Variants in ARHGEF3 observed in about 807,000 individuals in gnomAD.
ARHGEF3 encodes the protein 59.8 kDA protein.
ARHGEF3 carries 28 observed loss-of-function variants against 63.2 expected under a neutral mutation model. That is an observed-to-expected ratio of 0.44 (90% CI 0.33 to 0.61). The LOEUF is 0.61. Among genes scored for constraint, ARHGEF3 ranks in the 20% least tolerant of loss-of-function variants. ARHGEF3 has a pLI of 0.03. For missense variants in ARHGEF3, 533 were observed against 659.3 expected (o/e 0.81, Z 2.10); for synonymous variants, 266 against 254.2 (o/e 1.05, Z -0.44).
intron 3 of ARHGEF3, among the ~76,000 whole-genome samples, chr3:56,915,658 G>A (rs2041968932): frequency 1.3e-5 from 2 of 152,070 alleles, no homozygotes; most frequent in East Asian, 1.9e-4. Context: ...AAAAAACGAT[G>A]TTCTTAATGA....
At chr3:56,979,587 A>G (rs1301787564) in intron 2 of ARHGEF3, among the ~76,000 whole-genome samples, 1 of 152,216 alleles carries the variant, frequency 6.6e-6, no homozygotes, top group Non-Finnish European at 1.5e-5. Context: ...CACTAGGAAT[A>G]AAGTAGGCCC....
Position 56,981,901 on chromosome 3 carries a change from G to T in ARHGEF3, c.63-23012C>A, listed in dbSNP as rs1038173961. ...ACAGCACCCAGATTTTCTGTTGGGG[G>T]ATGCCCTCTCCCCTTTGGGACACTG... On this transcript the variant is annotated intron_variant, in intron 2 of 12. Coordinates refer to the ARHGEF3 transcript ENST00000338458. 2.0e-5 allele frequency among the ~76,000 whole-genome samples: 3 copies of T among 152,288 alleles called. No homozygotes were observed. The South Asian group carries it at 6.2e-4, about 32-fold the overall frequency.
intron 3 of ARHGEF3, among the ~76,000 whole-genome samples, chr3:56,919,836 C>A (rs12485820): frequency 2.0e-5 from 3 of 152,024 alleles, no homozygotes; most frequent in Admixed American, 6.6e-5. Flanking sequence ...AGGTGGTGTA[C>A]GCCTACCCAT....
rs534434618 is a variant in ARHGEF3 at position 57,011,276 on chromosome 3, AAAC to A, written c.62+23809_62+23811del. On this transcript the variant is annotated intron_variant, in intron 2 of 12. Transcript: ENST00000338458. ...ATGATGGTGCTAAGCACATGATCTA[AAAC>A]AACGATTTCACCTTTTTTCTGCCCT... Among the ~76,000 whole-genome samples, 474 of 152,322 alleles carry A rather than the reference AAAC, an allele frequency of 3.1e-3. 2 individuals carry two copies. In the Middle Eastern group the frequency reaches 0.048, roughly 15 times the overall value.
At chr3:57,065,814 A>G (rs908349350) in intron 1 of ARHGEF3, among the ~76,000 whole-genome samples, 3 of 152,160 alleles carry the variant, frequency 2.0e-5, no homozygotes, top group Non-Finnish European at 4.4e-5. Context: ...ATGCTGCATT[A>G]GCACACACAG....
At chr3:56,771,006 G>C (rs1331988799) in intron 2 of ARHGEF3, among the ~76,000 whole-genome samples, 1 of 151,966 alleles carries the variant, frequency 6.6e-6, no homozygotes, top group African/African-American at 2.4e-5. Context: ...CCAGCTATTT[G>C]AGAGGCTGAG....
At chr3:57,057,352 C>A (rs1463040638) in intron 1 of ARHGEF3, among the ~76,000 whole-genome samples, 1 of 152,160 alleles carries the variant, frequency 6.6e-6, no homozygotes, top group Non-Finnish European at 1.5e-5. Flanking sequence ...CTCAAGTGAT[C>A]CGACTGCCTT....
chr3:56,968,355 T>C (rs1417221821), intron 2 of ARHGEF3, among the ~76,000 whole-genome samples: 1 of 75,380 alleles, frequency 1.3e-5, no homozygotes, highest in African/African-American at 4.3e-5. Context: ...TATATATTTT[T>C]TGAGACATGG....
chr3:56,891,824 G>GT (rs1225194014), intron 3 of ARHGEF3, among the ~76,000 whole-genome samples: 3 of 152,170 alleles, frequency 2.0e-5, no homozygotes, highest in Non-Finnish European at 4.4e-5. Context: ...GTAACAGCAA[G>GT]TAAGTACAGG....
At chr3:56,790,207 G>C (rs945114567) in intron 1 of ARHGEF3, among the ~76,000 whole-genome samples, 2 of 152,196 alleles carry the variant, frequency 1.3e-5, no homozygotes, top group Non-Finnish European at 2.9e-5. Context: ...GTTGGTGCCA[G>C]AATCAAGCTC....
intron 2 of ARHGEF3, among the ~76,000 whole-genome samples, chr3:56,960,378 A>G (rs1700227953): frequency 6.6e-6 from 1 of 152,078 alleles, no homozygotes; most frequent in African/African-American, 2.4e-5. Context: ...GACCTCAAAT[A>G]CCATGGTGTT....
At chr3:56,751,488 T>C in intron 4 of ARHGEF3, 92 bp from the exon 5 acceptor site, 1 of 1,019,830 alleles carries the variant, frequency 9.8e-7, no homozygotes, top group South Asian at 1.4e-5. Flanking sequence ...TCCTATCCAA[T>C]AACAAAACTT....
At chr3:56,992,375 T>TAAAAAAAAAAAAAAAAAAAAAAA (rs57740672) in intron 2 of ARHGEF3, among the ~76,000 whole-genome samples, 1 of 46,136 alleles carries the variant, frequency 2.2e-5, no homozygotes, top group Non-Finnish European at 6.0e-5. Flanking sequence ...AGGATGGCTT[T>TAAAAAAAAAAAAAAAAAAAAAAA]AAAAAAAAAA....
chr3:56,834,341 TATC>T (rs2039033057), intron 4 of ARHGEF3, among the ~76,000 whole-genome samples: 2 of 152,192 alleles, frequency 1.3e-5, no homozygotes, highest in African/African-American at 4.8e-5. Context: ...AGAAAGCAGG[TATC>T]ATTATTGTAA....
At chr3:57,053,795 T>C (rs1704781964) in intron 1 of ARHGEF3, among the ~76,000 whole-genome samples, 1 of 152,234 alleles carries the variant, frequency 6.6e-6, no homozygotes, top group Admixed American at 6.5e-5. Flanking sequence ...CAGTCATCAC[T>C]GTGTTAGAAG....
At chr3:56,859,509 TCC>T (rs565536018) in intron 4 of ARHGEF3, among the ~76,000 whole-genome samples, 34 of 150,258 alleles carry the variant, frequency 2.3e-4, no homozygotes, top group African/African-American at 8.1e-4. Flanking sequence ...TGAGCCCACA[TCC>T]CTCTTGCCAC....
At chr3:56,925,908 T>G (rs2108379286) in intron 3 of ARHGEF3, among the ~76,000 whole-genome samples, 1 of 152,276 alleles carries the variant, frequency 6.6e-6, no homozygotes, top group East Asian at 1.9e-4. Context: ...CAAAAACCCT[T>G]CTTGGGGAAG....
At chr3:56,910,725 T>C (rs1261717153) in intron 3 of ARHGEF3, among the ~76,000 whole-genome samples, 1 of 152,182 alleles carries the variant, frequency 6.6e-6, no homozygotes, top group South Asian at 2.1e-4. Flanking sequence ...TATGTGGATA[T>C]GAAAAATGTG....
At chr3:57,002,017 G>A (rs906900081) in intron 2 of ARHGEF3, among the ~76,000 whole-genome samples, 5 of 144,230 alleles carry the variant, frequency 3.5e-5, no homozygotes, top group African/African-American at 5.1e-5. Flanking sequence ...TCCGCTTCCC[G>A]GGTTCACGCC....
Sources: gnomAD v4.1 joint callset for allele counts (sites outside exome capture counted in the v4.1 genomes callset) on GRCh38, gnomAD v4.1.1 for gene constraint, MANE v1.5 for transcripts, NCBI Gene and HGNC (gene_info 2026-07-23, HGNC 2026-07-21) for gene names.